LRRN2: variants seen among roughly 807,000 people sequenced by gnomAD.
The protein encoded by LRRN2 is leucine-rich repeat neuronal protein 2.
A neutral mutation model predicts 35.7 loss-of-function variants in LRRN2; 10 were observed. That is an observed-to-expected ratio of 0.28 (90% CI 0.17 to 0.47). LRRN2 has a LOEUF of 0.47. Among genes scored for constraint, LRRN2 ranks in the 20% least tolerant of loss-of-function variants. The pLI is 0.99. For missense variants in LRRN2, 731 were observed against 940.3 expected (o/e 0.78, Z 2.91); for synonymous variants, 391 against 409.6 (o/e 0.95, Z 0.55).
intron 1 of LRRN2, among the ~76,000 whole-genome samples, chr1:204,681,254 G>A (rs997799277): frequency 3.9e-5 from 6 of 152,262 alleles, no homozygotes; most frequent in Admixed American, 6.5e-5. Context: ...CTGGCTGAGA[G>A]TCGCCTTTTT....
Position 204,670,728 on chromosome 1 carries a change from C to CAAA in LRRN2, c.-227+14589_-227+14591dup, listed in dbSNP as rs34945535. 5.6e-3 allele frequency among the ~76,000 whole-genome samples: 830 copies of CAAA among 148,526 alleles called. 11 individuals are homozygous for CAAA. Among genetic ancestry groups the CAAA allele is most frequent in the African/African-American group, 0.019 (767 of 40,278 alleles). On this transcript the variant is annotated intron_variant, in intron 1 of 1. Coordinates refer to ENST00000367177, the MANE Select transcript of LRRN2 (RefSeq NM_201630.2). The stretch of plus-strand genomic sequence containing the variant: ...GAGAAGCCAAGGGAAAAGAAAGTGT[C>CAAA]AAAAAAAAAAATGAGTGGAAAATGC...
chr1:204,640,949 T>C (rs537347693), intron 1 of LRRN2, among the ~76,000 whole-genome samples: 46 of 151,084 alleles, frequency 3.0e-4, no homozygotes, highest in African/African-American at 1.1e-3. Context: ...AGAGTTAATG[T>C]GGATCTAAAT....
intron 1 of LRRN2, among the ~76,000 whole-genome samples, chr1:204,638,232 GGC>G (rs1032969286): frequency 7.9e-5 from 12 of 152,004 alleles, no homozygotes; most frequent in African/African-American, 2.4e-4. Context: ...GGTGATCTGG[GGC>G]CAGGCCTCCG....
At chr1:204,628,753 TC>T (rs1667582988) in intron 1 of LRRN2, 1 of 152,174 alleles carries the variant, frequency 6.6e-6, no homozygotes, top group Non-Finnish European at 1.5e-5. Context: ...GTTCTAGTCT[TC>T]CGGACAGCTC....
rs547252698 is a variant in LRRN2, at chr1:204,636,087, G to A, written c.-226-15869C>T. ...TCTTTGCCATATGAATCCCCTGCTC[G>A]CTGCCATGACCACACTCACTTAATA... is the stretch of plus-strand genomic sequence containing the variant. On this transcript the variant is annotated intron_variant, in intron 1 of 1. Coordinates refer to ENST00000367177, the MANE Select transcript of LRRN2 (RefSeq NM_201630.2). Among the ~76,000 whole-genome samples the A allele has an allele frequency of 9.9e-5, 15 of 152,190 alleles. No homozygotes were observed. In the East Asian group the frequency reaches 2.1e-3, roughly 22 times the overall value.
At chr1:204,671,721 G>A (rs1178129513) in intron 1 of LRRN2, among the ~76,000 whole-genome samples, 1 of 148,804 alleles carries the variant, frequency 6.7e-6, no homozygotes, top group Non-Finnish European at 1.5e-5. Context: ...GAGTGGGGGT[G>A]TCATAGAACC....
Position 204,620,090 on chromosome 1 carries a change from A to G in LRRN2, c.-98T>C. ...GGGTCAGCAACCCTGCCAGGGCCCA[A>G]GGAACCACCCTCCCAGGGCAGTCAT... On this transcript the variant is annotated 5_prime_UTR_variant, in exon 2 of 2. Transcript: ENST00000367177. The G allele has an allele frequency of 6.7e-7, 1 of 1,492,954 alleles. No individual in the cohort carries two copies. 92.5% of individuals were successfully genotyped at this position (1,492,954 alleles called of 1,614,324 possible). A position where few individuals can be genotyped will look rare whatever the true frequency, so the allele number is the denominator to read the frequency against.
At chr1:204,679,841 T>C (rs1463843639) in intron 1 of LRRN2, among the ~76,000 whole-genome samples, 2 of 152,146 alleles carry the variant, frequency 1.3e-5, no homozygotes, top group Non-Finnish European at 2.9e-5. Context: ...AAGGAAACAA[T>C]GTTGGATCTT....
At chr1:204,672,152 AC>A (rs1668728281) in intron 1 of LRRN2, among the ~76,000 whole-genome samples, 1 of 152,244 alleles carries the variant, frequency 6.6e-6, no homozygotes, top group Non-Finnish European at 1.5e-5. Context: ...ATTCTCTTGC[AC>A]ATGAAGTAGC....
rs540308555 is a variant in LRRN2 at position 204,684,318 on chromosome 1, G to T, written c.-227+1002C>A. ...CCCCTCCAACCCTGCCAGTCGCCCA[G>T]TTAGAAGCTGCGTTGGCTCCAACAG... On this transcript the variant is annotated intron_variant, in intron 1 of 1. Coordinates refer to ENST00000367177, the MANE Select transcript of LRRN2 (RefSeq NM_201630.2). Among the ~76,000 whole-genome samples, 3 of 152,200 alleles carry T rather than the reference G, an allele frequency of 2.0e-5. No homozygotes were observed. The South Asian group carries it at 6.2e-4, about 31-fold the overall frequency.
intron 1 of LRRN2, among the ~76,000 whole-genome samples, chr1:204,666,945 G>C (rs563976160): frequency 8.9e-6 from 1 of 112,582 alleles, no homozygotes; most frequent in African/African-American, 3.4e-5. Flanking sequence ...CTGGATGCCA[G>C]AGTGAAACTC....
chr1:204,644,141 T>G (rs747082507), intron 1 of LRRN2, among the ~76,000 whole-genome samples: 1 of 151,712 alleles, frequency 6.6e-6, no homozygotes, highest in Non-Finnish European at 1.5e-5. Context: ...GAAAAGGAGG[T>G]CCTGGGGGGA....
chr1:204,627,248 A>T (rs1667454365), intron 1 of LRRN2: 2 of 152,158 alleles, frequency 1.3e-5, no homozygotes, highest in Admixed American at 1.3e-4. Context: ...CCACAGCGAG[A>T]GTGTGGAGGA....
chr1:204,647,552 G>A (rs1240824295), intron 1 of LRRN2, among the ~76,000 whole-genome samples: 3 of 152,188 alleles, frequency 2.0e-5, no homozygotes, highest in Non-Finnish European at 4.4e-5. Flanking sequence ...TGAGGGGAGA[G>A]GAGGTGGAGG....
chr1:204,677,568 C>G (rs995324691), intron 1 of LRRN2, among the ~76,000 whole-genome samples: 18 of 152,168 alleles, frequency 1.2e-4, no homozygotes, highest in African/African-American at 4.1e-4. Flanking sequence ...CAGGAGCCCA[C>G]CCAGGCAGTG....
rs1371353320 is a variant in LRRN2, at chr1:204,619,774, G to A, written c.219C>T (p.Thr73=). The part of the protein sequence containing the change: ...VPPALPAGTQ[T]LLLQSNSIVR... ...CAATGCTGTTGCTCTGCAGGAGCAG[G>A]GTCTGTGTGCCTGCGGGGAGTGCCG... is the stretch of plus-strand genomic sequence containing the variant. Residue 73 remains threonine, a synonymous_variant, in exon 2 of 2, where the codon ACC becomes ACT. Transcript: ENST00000367177. The A allele has an allele frequency of 6.8e-6, 11 of 1,614,132 alleles. No individual in the cohort carries two copies. In the Admixed American group the frequency reaches 1.2e-4, roughly 17 times the overall value.
At chr1:204,676,991 C>T (rs1333853890) in intron 1 of LRRN2, among the ~76,000 whole-genome samples, 2 of 152,126 alleles carry the variant, frequency 1.3e-5, no homozygotes, top group African/African-American at 2.4e-5. Flanking sequence ...TACTTCACAG[C>T]GTTATGTGGA....
chr1:204,650,871 G>A (rs544832327), intron 1 of LRRN2, among the ~76,000 whole-genome samples: 93 of 152,240 alleles, frequency 6.1e-4, no homozygotes, highest in African/African-American at 2.0e-3. Flanking sequence ...GTAGGGGCTC[G>A]GAAGGAATGA....
At chr1:204,656,791 C>T (rs1198925772) in intron 1 of LRRN2, among the ~76,000 whole-genome samples, 3 of 152,190 alleles carry the variant, frequency 2.0e-5, no homozygotes, top group Non-Finnish European at 4.4e-5. Context: ...GGAATCTTCA[C>T]TTTATACCTG....
Sources: allele counts gnomAD v4.1 joint callset (sites outside exome capture counted in the v4.1 genomes callset), GRCh38; gene constraint gnomAD v4.1.1; transcripts MANE v1.5; gene names NCBI Gene and HGNC (gene_info 2026-07-23, HGNC 2026-07-21).